Variants in PALD1 observed in about 807,000 individuals in gnomAD.
PALD1 encodes the protein phosphatase domain containing paladin 1.
A neutral mutation model predicts 96.0 loss-of-function variants in PALD1; 57 were observed. The observed-to-expected ratio is 0.59, with a 90% CI of 0.48 to 0.74. The LOEUF (loss-of-function observed/expected upper bound fraction) is 0.74. Ranked by LOEUF, PALD1 falls within the 30% of genes least tolerant of loss-of-function variation. The probability of loss-of-function intolerance (pLI) is 0.00; values close to 1 mark genes in which losing one functional copy is unlikely to be tolerated. For missense variants in PALD1, 1,063 were observed against 1,143.7 expected, an observed-to-expected ratio of 0.93 and a Z score of 1.02; for synonymous variants, 464 against 473.6, an observed-to-expected ratio of 0.98 and a Z score of 0.26.
intron 4 of PALD1, among the ~76,000 whole-genome samples, chr10:70,530,594 G>A (rs1279346466): frequency 6.6e-6 from 1 of 152,180 alleles, no homozygotes; most frequent in Non-Finnish European, 1.5e-5. Context: ...GTTCTTACCT[G>A]TCGGATGTTG....
chr10:70,514,140 G>C (rs1846574231), intron 1 of PALD1, among the ~76,000 whole-genome samples: 1 of 152,220 alleles, frequency 6.6e-6, no homozygotes, highest in South Asian at 2.1e-4. Flanking sequence ...CGGTCATTCT[G>C]TCCACCTTTG....
chr10:70,536,413 C>G (rs1036359924), intron 10 of PALD1, among the ~76,000 whole-genome samples: 5 of 152,234 alleles, frequency 3.3e-5, no homozygotes, highest in African/African-American at 4.8e-5. Context: ...CAGTCCCCCT[C>G]TTCTTGGACA....
rs1286673061 is a variant in PALD1 at position 70,510,640 on chromosome 10, C to G, written c.-29-15283C>G. ...CTCCTTCCTGAAAGAACCAACAGGG[C>G]AGGGTCCCTCCCATCCAGGTAACAC... On this transcript the variant is annotated intron_variant, in intron 1 of 19. Transcript: ENST00000263563. Among the ~76,000 whole-genome samples the G allele has an allele frequency of 4.8e-4, 73 of 152,176 alleles. 1 individual carries two copies. Among genetic ancestry groups the G allele is most frequent in the Admixed American group, 4.8e-3 (73 of 15,278 alleles).
rs200531026 is a variant in PALD1, at chr10:70,539,759, G to A, written c.1905G>A (p.Glu635=). The change falls in exon 15 of 20, where the codon GAG becomes GAA. Residue 635 remains glutamate, a synonymous_variant. Transcript: ENST00000263563. The surrounding 1 kb of genome is among the most constrained non-coding windows in gnomAD (Gnocchi z 4.5). The stretch of plus-strand genomic sequence containing the variant: ...TGCCGGACTTCTGTGCCCCCCGAGA[G>A]GAGGTGAGGGTGCTGCTCAGGCTGA... ...IPMPDFCAPR[E]EDFDQLLEAL... is the part of the protein sequence containing the mutation. 6.2e-5 allele frequency: 99 copies of A among 1,609,210 alleles called. No individual in the cohort carries two copies. The highest frequency in any genetic ancestry group is 1.5e-4 in the Admixed American group (9 of 59,236).
At chr10:70,501,783 T>C (rs1261341456) in intron 1 of PALD1, among the ~76,000 whole-genome samples, 2 of 150,040 alleles carry the variant, frequency 1.3e-5, no homozygotes, top group African/African-American at 4.9e-5. Context: ...CATTGATGTT[T>C]TGAGATTTGT....
chr10:70,490,237 C>T (rs917266919), intron 1 of PALD1, among the ~76,000 whole-genome samples: 1 of 151,980 alleles, frequency 6.6e-6, no homozygotes, highest in African/African-American at 2.4e-5. Flanking sequence ...CTCTCTCTCT[C>T]TTTTTTAAAG....
rs150461006 is a variant in PALD1 at position 70,566,259 on chromosome 10, T to A, written c.2419-322T>A. On this transcript the variant is annotated intron_variant, in intron 19 of 19. Transcript: ENST00000263563. The stretch of plus-strand genomic sequence containing the variant: ...TTCCTCCAGCCCTCCCTTTAGGCCC[T>A]GCTCCTGGGCGTCCACGTGGGAGCA... 2.1e-3 allele frequency among the ~76,000 whole-genome samples: 319 copies of A among 152,324 alleles called. 2 individuals are homozygous for A. The highest frequency in any genetic ancestry group is 0.01 in the Middle Eastern group (3 of 294).
At chr10:70,541,391 C>G (rs1438654955) in intron 16 of PALD1, 72 bp from the exon 17 acceptor site, 1 of 1,558,058 alleles carries the variant, frequency 6.4e-7, no homozygotes, top group African/African-American at 1.4e-5. Context: ...TTGGGCAGCC[C>G]CCAAGTCCTC....
Position 70,538,952 on chromosome 10 carries a change from A to C in PALD1, c.1513A>C (p.Asn505His). The change falls in exon 13 of 20, where the codon AAC becomes CAC. Residue 505 changes from asparagine (N) to histidine (H), a missense_variant. By Grantham distance (68) the Asn-to-His change is moderately conservative. Coordinates refer to ENST00000263563, the MANE Select transcript of PALD1 (RefSeq NM_014431.3). ...LSTVREMDVA[N>H]FRRVPRMPIY... Reference sequence around the variant, plus strand: ...CACTGTCAGAGAGATGGATGTGGCCAACTTCCGGCGGGTGCCCCGCATGCC... The same window carrying C: ...CACTGTCAGAGAGATGGATGTGGCCCACTTCCGGCGGGTGCCCCGCATGCC... 6.2e-7 allele frequency: 1 copy of C among 1,613,860 alleles called. No individual in the cohort carries two copies. The highest frequency in any genetic ancestry group is 8.5e-7 in the Non-Finnish European group (1 of 1,179,986).
chr10:70,469,520 T>C, the PALD1 span, among the ~76,000 whole-genome samples: 148 of 152,122 alleles, frequency 9.7e-4, no homozygotes, highest in Non-Finnish European at 1.1e-3. Context: ...TGCTTCTGAG[T>C]TTGCTGTAGA....
At chr10:70,489,806 T>C (rs940112958) in intron 1 of PALD1, among the ~76,000 whole-genome samples, 3 of 152,314 alleles carry the variant, frequency 2.0e-5, no homozygotes, top group African/African-American at 7.2e-5. Flanking sequence ...TACCCATTGG[T>C]AGTCACTCCC....
the PALD1 span, among the ~76,000 whole-genome samples, chr10:70,466,695 G>A: frequency 6.6e-6 from 1 of 152,330 alleles, no homozygotes; most frequent in African/African-American, 2.4e-5. Flanking sequence ...TAAAATAGTG[G>A]TTTTTGGAGA....
intron 1 of PALD1, among the ~76,000 whole-genome samples, chr10:70,523,797 G>A (rs754617313): frequency 6.6e-6 from 1 of 152,074 alleles, no homozygotes; most frequent in African/African-American, 2.4e-5. Context: ...ACTGGAGAGG[G>A]ATGGGTGGCT....
Position 70,540,635 on chromosome 10 carries a change from C to T in PALD1, c.1909-467C>T, listed in dbSNP as rs762066669. ...GAGCCCCTCCTGGCGCATCTCTTCG[C>T]GGCTCTCACTGCCTGCGGTCTGCTG... On this transcript the variant is annotated intron_variant, in intron 15 of 19. Transcript: ENST00000263563. The surrounding 1 kb of genome is among the most constrained non-coding windows in gnomAD (Gnocchi z 4.2). 6.6e-6 allele frequency among the ~76,000 whole-genome samples: 1 copy of T among 152,120 alleles called. No individual in the cohort carries two copies. Among genetic ancestry groups the T allele is most frequent in the Admixed American group, 6.5e-5 (1 of 15,278 alleles).
intron 1 of PALD1, among the ~76,000 whole-genome samples, chr10:70,513,336 A>ATAAAT (rs974636793): frequency 6.6e-6 from 1 of 151,828 alleles, no homozygotes; most frequent in African/African-American, 2.4e-5. Flanking sequence ...CTCTGCAAAA[A>ATAAAT]AAATAAATAA....
chr10:70,507,780 TGTGTGTGTGTGGTGTATGTATGTGTTC>T (rs1846423184), intron 1 of PALD1, among the ~76,000 whole-genome samples: 2 of 138,816 alleles, frequency 1.4e-5, no homozygotes, highest in African/African-American at 2.6e-5. Flanking sequence ...TGTGTGTGTG[TGTGTGTGTGTGGTGTATGTATGTGTTC>T]GTAGAGATGA....
intron 1 of PALD1, among the ~76,000 whole-genome samples, chr10:70,508,120 C>T (rs61859473): frequency 0.11 from 16,958 of 152,196 alleles, 1,051 homozygotes; most frequent in South Asian, 0.17. Flanking sequence ...CGCTGCTCCA[C>T]GGAAGAAACA....
intron 1 of PALD1, among the ~76,000 whole-genome samples, chr10:70,496,552 A>G (rs1322934270): frequency 6.6e-6 from 1 of 152,176 alleles, no homozygotes; most frequent in East Asian, 1.9e-4. Flanking sequence ...CTTTCATTCC[A>G]CATCAGCCCT....
At chr10:70,469,032 A>C in the PALD1 span, among the ~76,000 whole-genome samples, 1 of 152,032 alleles carries the variant, frequency 6.6e-6, no homozygotes, top group Non-Finnish European at 1.5e-5. Flanking sequence ...CGCGGAAGGC[A>C]CCTTGGATTT....
Sources: gnomAD v4.1 joint callset for allele counts (sites outside exome capture counted in the v4.1 genomes callset) on GRCh38, gnomAD v4.1.1 for gene constraint, Gnocchi (gnomAD v3.1) non-coding constraint, MANE v1.5 for transcripts, NCBI Gene and HGNC (gene_info 2026-07-23, HGNC 2026-07-21) for gene names.